The following NME7 variants were observed in gnomAD, a reference collection of about 807,000 sequenced individuals.
NME7 encodes the protein NME/NM23 family member 7.
A neutral mutation model predicts 49.1 loss-of-function variants in NME7; 41 were observed. The ratio of observed to expected loss-of-function variants is 0.83; its 90% CI spans 0.65 to 1.08. NME7 has a LOEUF of 1.08. NME7 is among the 50% of genes least tolerant of loss of function. NME7 has a pLI of 0.00. For synonymous variants in NME7, 139 were observed against 150.6 expected (o/e 0.92, Z 0.56); for missense variants, 423 against 463.4 (o/e 0.91, Z 0.80).
chr1:169,338,937 C>T (rs1408181134), intron 1 of NME7, among the ~76,000 whole-genome samples: 2 of 152,048 alleles, frequency 1.3e-5, no homozygotes, highest in Admixed American at 1.3e-4. Context: ...ACTGGGTTGT[C>T]GTCTAATTTT....
chr1:169,319,508 AG>A, intron 3 of NME7, among the ~76,000 whole-genome samples: 1 of 152,294 alleles, frequency 6.6e-6, no homozygotes, highest in South Asian at 2.1e-4. Flanking sequence ...AGTATTCTTA[AG>A]CCCCTTCCAA....
chr1:169,311,166 C>T (rs926952091), intron 3 of NME7, among the ~76,000 whole-genome samples: 3 of 151,966 alleles, frequency 2.0e-5, no homozygotes, highest in African/African-American at 7.3e-5. Flanking sequence ...CGCCTGTAAT[C>T]CCAGCACTTT....
intron 1 of NME7, among the ~76,000 whole-genome samples, chr1:169,328,590 G>A (rs57214726): frequency 0.021 from 3,188 of 151,864 alleles, 113 homozygotes; most frequent in African/African-American, 0.073. Context: ...GATTTATGAT[G>A]GACAAAAAAA....
intron 1 of NME7, among the ~76,000 whole-genome samples, chr1:169,352,225 T>G (rs1653202425): frequency 6.6e-6 from 1 of 152,022 alleles, no homozygotes; most frequent in Admixed American, 6.6e-5. Flanking sequence ...AAAATATCAT[T>G]CATCATGACC....
intron 11 of NME7, among the ~76,000 whole-genome samples, chr1:169,162,085 C>A (rs774439552): frequency 3.3e-5 from 5 of 152,170 alleles, no homozygotes; most frequent in Non-Finnish European, 7.3e-5. Flanking sequence ...TTCTACATCT[C>A]TATGATTTCA....
chr1:169,134,164 A>G (rs1411430195), intron 11 of NME7, among the ~76,000 whole-genome samples: 1 of 152,214 alleles, frequency 6.6e-6, no homozygotes, highest in African/African-American at 2.4e-5. Flanking sequence ...TACCTACCAT[A>G]TGCCAAGCAT....
At chr1:169,327,659 GTTA>G (rs1652110797) in intron 1 of NME7, among the ~76,000 whole-genome samples, 1 of 152,130 alleles carries the variant, frequency 6.6e-6, no homozygotes, top group Non-Finnish European at 1.5e-5. Flanking sequence ...ATAAATATAT[GTTA>G]TTGAGTGGAA....
intron 7 of NME7, among the ~76,000 whole-genome samples, chr1:169,283,457 T>C (rs533861342): frequency 6.6e-6 from 1 of 152,324 alleles, no homozygotes; most frequent in Non-Finnish European, 1.5e-5. Context: ...TTAAGGTTAA[T>C]ACTGTTAGTT....
At chr1:169,211,734 A>G (rs1288703827) in intron 10 of NME7, among the ~76,000 whole-genome samples, 1 of 152,186 alleles carries the variant, frequency 6.6e-6, no homozygotes, top group East Asian at 1.9e-4. Context: ...CAGAAAAGAG[A>G]AAAATCTTCA....
At chr1:169,281,180 T>C (rs1649996768) in intron 7 of NME7, among the ~76,000 whole-genome samples, 1 of 152,206 alleles carries the variant, frequency 6.6e-6, no homozygotes, top group Non-Finnish European at 1.5e-5. Flanking sequence ...ATATCCCTTG[T>C]AAGTTGTATT....
chr1:169,306,548 T>C (rs1001682656), intron 4 of NME7, among the ~76,000 whole-genome samples: 2 of 152,184 alleles, frequency 1.3e-5, no homozygotes, highest in African/African-American at 4.8e-5. Context: ...AAAATATTTA[T>C]ATATCAGGTA....
intron 10 of NME7, among the ~76,000 whole-genome samples, chr1:169,187,473 T>G (rs1417487328): frequency 1.3e-5 from 2 of 152,244 alleles, no homozygotes; most frequent in Admixed American, 6.5e-5. Context: ...CTCTTCTTGC[T>G]GCACTGATCT....
chr1:169,145,405 G>A (rs1467660990), intron 11 of NME7, among the ~76,000 whole-genome samples: 1 of 152,172 alleles, frequency 6.6e-6, no homozygotes, highest in Non-Finnish European at 1.5e-5. Flanking sequence ...ACTCAATTCT[G>A]TTTCACTTAC....
intron 7 of NME7, among the ~76,000 whole-genome samples, chr1:169,237,925 C>A (rs966502106): frequency 6.6e-6 from 1 of 151,970 alleles, no homozygotes; most frequent in African/African-American, 2.4e-5. Context: ...ATGCAAAAAA[C>A]TTTTAAGATA....
At chr1:169,172,499 C>T (rs1659633312) in intron 10 of NME7, among the ~76,000 whole-genome samples, 1 of 152,110 alleles carries the variant, frequency 6.6e-6, no homozygotes. Flanking sequence ...GGTCTTCTGC[C>T]ATCTTCATGA....
At chr1:169,308,545 T>C (rs1485773761) in intron 4 of NME7, among the ~76,000 whole-genome samples, 2 of 152,214 alleles carry the variant, frequency 1.3e-5, no homozygotes, top group Non-Finnish European at 2.9e-5. Flanking sequence ...CTCTGTCCTA[T>C]ACTCATCTCC....
chr1:169,168,947 C>T, intron 11 of NME7: 1 of 451,612 alleles, frequency 2.2e-6, no homozygotes, highest in Non-Finnish European at 4.4e-6. Context: ...ACAGTTCAAA[C>T]ATTGTTCAAG....
intron 3 of NME7, among the ~76,000 whole-genome samples, chr1:169,320,861 C>T (rs114624753): frequency 2.0e-5 from 3 of 151,900 alleles, no homozygotes; most frequent in Non-Finnish European, 4.4e-5. Flanking sequence ...AAAATCAGTC[C>T]CATTCAACAG....
chr1:169,191,396 T>C (rs1043445475), intron 10 of NME7, among the ~76,000 whole-genome samples: 2 of 152,184 alleles, frequency 1.3e-5, no homozygotes, highest in African/African-American at 2.4e-5. Context: ...AAAAAGTCTT[T>C]ACAGAGTTTA....
Sources: allele counts gnomAD v4.1 joint callset (sites outside exome capture counted in the v4.1 genomes callset), GRCh38; gene constraint gnomAD v4.1.1; transcripts MANE v1.5; gene names NCBI Gene and HGNC (gene_info 2026-07-23, HGNC 2026-07-21).